SUMF1: variants seen among roughly 807,000 people sequenced by gnomAD.
SUMF1 encodes sulfatase modifying factor 1, also known as formylglycine-generating enzyme.
Under a neutral mutation model 47.6 loss-of-function variants are expected in SUMF1, and 48 were observed. The observed-to-expected ratio is 1.01, with a 90% CI of 0.80 to 1.28. SUMF1 has a LOEUF of 1.28. Ranked by LOEUF, SUMF1 falls within the 50% of genes most tolerant of loss-of-function variation. The probability of loss-of-function intolerance (pLI) is 0.00; values close to 1 mark genes in which losing one functional copy is unlikely to be tolerated. For synonymous variants in SUMF1, 230 were observed against 192.1 expected, an observed-to-expected ratio of 1.20 and a Z score of -1.63; for missense variants, 571 against 485.4, an observed-to-expected ratio of 1.18 and a Z score of -1.66.
chr3:4,113,248 C>T (rs1693350759), intron 8 of SUMF1, among the ~76,000 whole-genome samples: 1 of 151,982 alleles, frequency 6.6e-6, no homozygotes, highest in Non-Finnish European at 1.5e-5. Flanking sequence ...TATATTACAA[C>T]CTGGGCATAG....
intron 8 of SUMF1, among the ~76,000 whole-genome samples, chr3:4,105,096 C>A (rs937996447): frequency 6.6e-6 from 1 of 152,034 alleles, no homozygotes; most frequent in African/African-American, 2.4e-5. Context: ...CATGGATGAA[C>A]CTGGAGGACA....
chr3:4,384,134 A>G (rs562040438), intron 7 of SUMF1, among the ~76,000 whole-genome samples: 1 of 152,310 alleles, frequency 6.6e-6, no homozygotes, highest in South Asian at 2.1e-4. Context: ...CTGAGGTATC[A>G]GCTAGTTCCA....
intron 8 of SUMF1, among the ~76,000 whole-genome samples, chr3:4,363,115 C>A (rs1350490505): frequency 6.6e-6 from 1 of 151,950 alleles, no homozygotes; most frequent in Non-Finnish European, 1.5e-5. Context: ...TATTCCAATA[C>A]AATAAGAATA....
At chr3:4,190,459 G>C (rs923497787) in intron 8 of SUMF1, among the ~76,000 whole-genome samples, 2 of 143,220 alleles carry the variant, frequency 1.4e-5, no homozygotes, top group African/African-American at 3.0e-5. Flanking sequence ...GGGCATCTCA[G>C]TCTTATGAAG....
intron 8 of SUMF1, among the ~76,000 whole-genome samples, chr3:4,134,412 G>A: frequency 6.6e-6 from 1 of 152,094 alleles, no homozygotes. Context: ...GATGTTCTTT[G>A]AATCCAATGA....
intron 9 of SUMF1, among the ~76,000 whole-genome samples, chr3:4,043,887 C>T (rs759028759): frequency 6.6e-6 from 1 of 152,068 alleles, no homozygotes; most frequent in African/African-American, 2.4e-5. Context: ...ATTTTGCCCT[C>T]GAGGTTATAC....
intron 8 of SUMF1, among the ~76,000 whole-genome samples, chr3:4,100,871 G>A (rs889906392): frequency 6.6e-6 from 1 of 151,922 alleles, no homozygotes; most frequent in African/African-American, 2.4e-5. Context: ...CTTAGAGGAA[G>A]ACATAGAAAT....
At chr3:4,198,618 A>G (rs902325485) in intron 8 of SUMF1, among the ~76,000 whole-genome samples, 1 of 152,132 alleles carries the variant, frequency 6.6e-6, no homozygotes, top group East Asian at 1.9e-4. Flanking sequence ...ATGGCCCGAC[A>G]AAAAGAAGAC....
At chr3:4,089,892 A>T (rs572192446) in intron 8 of SUMF1, among the ~76,000 whole-genome samples, 1 of 152,216 alleles carries the variant, frequency 6.6e-6, no homozygotes, top group Admixed American at 6.5e-5. Flanking sequence ...CACTACTGCA[A>T]TCTCAGACTG....
chr3:4,054,421 TATGACA>T (rs1391459467), intron 9 of SUMF1, among the ~76,000 whole-genome samples: 1 of 152,218 alleles, frequency 6.6e-6, no homozygotes, highest in Non-Finnish European at 1.5e-5. Context: ...GCAAAAAAGC[TATGACA>T]ATCCACCACC....
chr3:4,043,470 C>T (rs1574841867), intron 9 of SUMF1, among the ~76,000 whole-genome samples: 1 of 152,106 alleles, frequency 6.6e-6, no homozygotes, highest in Non-Finnish European at 1.5e-5. Context: ...CCACCTGTCC[C>T]CAATTCCTCT....
intron 7 of SUMF1, among the ~76,000 whole-genome samples, chr3:4,383,748 G>T (rs1700583256): frequency 1.3e-5 from 2 of 152,200 alleles, no homozygotes; most frequent in African/African-American, 4.8e-5. Flanking sequence ...TGGGAGACAA[G>T]GGGAAGCGAT....
chr3:4,157,255 T>C (rs1240493787), intron 8 of SUMF1, among the ~76,000 whole-genome samples: 2 of 151,622 alleles, frequency 1.3e-5, no homozygotes, highest in Admixed American at 6.5e-5. Context: ...GCCAGTTTTT[T>C]AGATGTGCTG....
intron 8 of SUMF1, chr3:4,316,918 C>G: frequency 6.5e-7 from 1 of 1,549,384 alleles, no homozygotes; most frequent in Non-Finnish European, 8.7e-7. Flanking sequence ...CTGCAGCTGG[C>G]ATTGGTCAAC....
intron 2 of SUMF1, among the ~76,000 whole-genome samples, chr3:4,452,147 T>C (rs1022572022): frequency 4.7e-5 from 7 of 149,456 alleles, no homozygotes; most frequent in African/African-American, 1.5e-4. Context: ...AAAAAAAGAA[T>C]AGGGACCCCA....
chr3:4,253,287 G>A (rs1696849904), intron 8 of SUMF1, among the ~76,000 whole-genome samples: 1 of 152,180 alleles, frequency 6.6e-6, no homozygotes. Context: ...AACAGCTCCG[G>A]TCTACAGCTC....
chr3:4,213,200 T>G lies in SUMF1; in HGVS notation c.1015-144455A>C, dbSNP rs145455702. On this transcript the variant is annotated intron_variant and NMD_transcript_variant, in intron 8 of 12. Coordinates refer to the SUMF1 transcript ENST00000448413. Reference sequence around the variant, plus strand: ...ACACACAAAGGAGAGCCCATCAGACTAACAGCAAATCTCTCTGCAGAAACC... The same window carrying G: ...ACACACAAAGGAGAGCCCATCAGACGAACAGCAAATCTCTCTGCAGAAACC... 9.5e-3 allele frequency among the ~76,000 whole-genome samples: 1,448 copies of G among 152,264 alleles called. 23 individuals carry two copies. Among genetic ancestry groups the G allele is most frequent in the African/African-American group, 0.032 (1,334 of 41,550 alleles).
intron 7 of SUMF1, among the ~76,000 whole-genome samples, chr3:4,383,689 A>G (rs1700581460): frequency 6.6e-6 from 1 of 152,232 alleles, no homozygotes; most frequent in South Asian, 2.1e-4. Context: ...TCCTAAGCTC[A>G]GGATTCTCCG....
intron 8 of SUMF1, among the ~76,000 whole-genome samples, chr3:4,130,472 A>G (rs1693761198): frequency 6.6e-6 from 1 of 152,164 alleles, no homozygotes; most frequent in Non-Finnish European, 1.5e-5. Flanking sequence ...TGCTTCTGCA[A>G]GATATCACAG....
Sources: gnomAD v4.1 joint callset for allele counts (sites outside exome capture counted in the v4.1 genomes callset) on GRCh38, gnomAD v4.1.1 for gene constraint, MANE v1.5 for transcripts, NCBI Gene and HGNC (gene_info 2026-07-23, HGNC 2026-07-21) for gene names.